Variants in RBFOX1 observed in about 807,000 individuals in gnomAD.
RBFOX1 encodes RNA binding protein fox-1 homolog 1.
Under a neutral mutation model 57.7 loss-of-function variants are expected in RBFOX1, and 8 were observed. The observed-to-expected ratio is 0.14, with a 90% CI of 0.08 to 0.25. The LOEUF (loss-of-function observed/expected upper bound fraction) is 0.25, where lower values mean the gene tolerates loss of function less well. Ranked by LOEUF, RBFOX1 falls within the 10% of genes least tolerant of loss-of-function variation. The probability of loss-of-function intolerance (pLI) is 1.00; values close to 1 mark genes in which losing one functional copy is unlikely to be tolerated. For synonymous variants in RBFOX1, 326 were observed against 222.4 expected (o/e 1.47, Z -4.15); for missense variants, 611 against 548.5 (o/e 1.11, Z -1.14).
chr16:7,666,282 C>T (rs1027608299), intron 13 of RBFOX1, among the ~76,000 whole-genome samples: 3 of 151,712 alleles, frequency 2.0e-5, no homozygotes, highest in Non-Finnish European at 2.9e-5. Context: ...TAGTTGGCAT[C>T]GCAGAATTTA....
chr16:7,479,206 T>C (rs1190535068), intron 4 of RBFOX1, among the ~76,000 whole-genome samples: 2 of 150,706 alleles, frequency 1.3e-5, no homozygotes, highest in Non-Finnish European at 3.0e-5. Context: ...TCAGTGCAAC[T>C]TCTGCCTCCC....
At chr16:6,246,090 T>C (rs1211974748) in intron 1 of RBFOX1, among the ~76,000 whole-genome samples, 1 of 152,102 alleles carries the variant, frequency 6.6e-6, no homozygotes, top group South Asian at 2.1e-4. Flanking sequence ...TTTACAGTAG[T>C]TTTAACAAAA....
chr16:5,359,709 C>T (rs1436704329), intron 1 of RBFOX1, among the ~76,000 whole-genome samples: 2 of 152,146 alleles, frequency 1.3e-5, no homozygotes, highest in Admixed American at 6.5e-5. Flanking sequence ...CGATCATTTC[C>T]TCTGCTGTGC....
intron 2 of RBFOX1, among the ~76,000 whole-genome samples, chr16:6,526,428 G>C (rs891300214): frequency 5.3e-5 from 8 of 152,130 alleles, no homozygotes; most frequent in African/African-American, 1.9e-4. Flanking sequence ...ATAAGCACCA[G>C]TCACACTACA....
chr16:5,864,251 A>G (rs1294000681), intron 3 of RBFOX1, among the ~76,000 whole-genome samples: 1 of 152,226 alleles, frequency 6.6e-6, no homozygotes, highest in Non-Finnish European at 1.5e-5. Context: ...TATTCACAGC[A>G]GCAAAGACAA....
intron 3 of RBFOX1, among the ~76,000 whole-genome samples, chr16:5,620,301 C>G (rs908279515): frequency 2.0e-5 from 3 of 151,992 alleles, no homozygotes; most frequent in African/African-American, 7.3e-5. Context: ...TCACTCTCTT[C>G]CCCACATTGC....
At chr16:7,159,783 C>T (rs1246298116) in intron 4 of RBFOX1, among the ~76,000 whole-genome samples, 2 of 152,152 alleles carry the variant, frequency 1.3e-5, no homozygotes, top group African/African-American at 4.8e-5. Context: ...TAACTGGGCT[C>T]CTCCAAGAGC....
At chr16:5,953,353 G>C (rs917777511) in intron 4 of RBFOX1, among the ~76,000 whole-genome samples, 18 of 150,968 alleles carry the variant, frequency 1.2e-4, no homozygotes, top group Admixed American at 9.8e-4. Flanking sequence ...TAGGTTATTT[G>C]GGGACAGGTT....
intron 4 of RBFOX1, among the ~76,000 whole-genome samples, chr16:7,181,241 G>A (rs530391102): frequency 5.1e-4 from 77 of 152,198 alleles, no homozygotes; most frequent in Admixed American, 3.3e-3. Flanking sequence ...GCTATGCCCC[G>A]ATGAGCATGG....
At chr16:7,689,594 A>T (rs1453159281) in intron 14 of RBFOX1, among the ~76,000 whole-genome samples, 1 of 152,106 alleles carries the variant, frequency 6.6e-6, no homozygotes, top group Non-Finnish European at 1.5e-5. Flanking sequence ...ACCTTGAATG[A>T]GCACTCTAGG....
intron 4 of RBFOX1, among the ~76,000 whole-genome samples, chr16:7,139,297 C>A (rs114692463): frequency 6.6e-6 from 1 of 151,860 alleles, no homozygotes; most frequent in Admixed American, 6.6e-5. Context: ...TGCAGAACAT[C>A]CAACATAATC....
rs141920962 is a variant in RBFOX1, at chr16:7,469,704, C to A, written c.28-48443C>A. 9.8e-4 allele frequency among the ~76,000 whole-genome samples: 149 copies of A among 152,100 alleles called. 1 individual carries two copies. Among genetic ancestry groups the A allele is most frequent in the Middle Eastern group, 3.4e-3 (1 of 294 alleles). ...AAACCACATTGAACATGGAAATTTCCCCTTTTAAATATTTTTAGTGTACAA... is the reference window on the plus strand; with the variant it reads ...AAACCACATTGAACATGGAAATTTCACCTTTTAAATATTTTTAGTGTACAA... On this transcript the variant is annotated intron_variant, in intron 4 of 15. Coordinates refer to ENST00000550418, the MANE Select transcript of RBFOX1 (RefSeq NM_018723.4).
chr16:7,327,507 A>T (rs560483205), intron 4 of RBFOX1, among the ~76,000 whole-genome samples: 1 of 152,230 alleles, frequency 6.6e-6, no homozygotes, highest in Non-Finnish European at 1.5e-5. Flanking sequence ...AACATTGTCA[A>T]TATCCAAAAG....
At chr16:6,713,081 A>G (rs1306033092) in intron 3 of RBFOX1, among the ~76,000 whole-genome samples, 1 of 151,922 alleles carries the variant, frequency 6.6e-6, no homozygotes, top group Non-Finnish European at 1.5e-5. Flanking sequence ...CCATGAGTCT[A>G]TTAAACCTCC....
At chr16:5,391,902 CACACACGCACACA>C (rs2066420728) in intron 1 of RBFOX1, among the ~76,000 whole-genome samples, 1 of 151,182 alleles carries the variant, frequency 6.6e-6, no homozygotes, top group Admixed American at 6.6e-5. Flanking sequence ...CACACACACA[CACACACGCACACA>C]CATATATATA....
intron 4 of RBFOX1, among the ~76,000 whole-genome samples, chr16:7,133,769 T>C (rs1600533509): frequency 6.6e-6 from 1 of 152,288 alleles, no homozygotes; most frequent in East Asian, 1.9e-4. Flanking sequence ...AAAATAATAA[T>C]TGATCTGCCA....
intron 4 of RBFOX1, among the ~76,000 whole-genome samples, chr16:7,111,543 C>T (rs1329615399): frequency 6.6e-6 from 1 of 152,084 alleles, no homozygotes; most frequent in African/African-American, 2.4e-5. Context: ...GAAAGAGATA[C>T]TGATTATATC....
At chr16:6,983,306 T>C (rs1041826009) in intron 3 of RBFOX1, among the ~76,000 whole-genome samples, 5 of 152,180 alleles carry the variant, frequency 3.3e-5, no homozygotes, top group African/African-American at 4.8e-5. Flanking sequence ...CAATGAGTTT[T>C]GTCCATTATT....
At chr16:7,038,845 G>A (rs1485637080) in intron 3 of RBFOX1, among the ~76,000 whole-genome samples, 2 of 152,198 alleles carry the variant, frequency 1.3e-5, no homozygotes, top group African/African-American at 4.8e-5. Context: ...GGCAGAGCAA[G>A]TGTGAAAAGC....
Sources: allele counts gnomAD v4.1 joint callset (sites outside exome capture counted in the v4.1 genomes callset), GRCh38; gene constraint gnomAD v4.1.1; transcripts MANE v1.5; gene names NCBI Gene and HGNC (gene_info 2026-07-23, HGNC 2026-07-21).